ERG: variants seen among roughly 807,000 people sequenced by gnomAD.
ERG encodes transcriptional regulator ERG.
A neutral mutation model predicts 55.3 loss-of-function variants in ERG; 9 were observed. The ratio of observed to expected loss-of-function variants is 0.16; its 90% CI spans 0.10 to 0.28. The LOEUF (loss-of-function observed/expected upper bound fraction) is 0.28, where lower values mean the gene tolerates loss of function less well. Among genes scored for constraint, ERG ranks in the 10% least tolerant of loss-of-function variants. ERG has a pLI of 1.00. For missense variants in ERG, 434 were observed against 631.6 expected (o/e 0.69, Z 3.35); for synonymous variants, 223 against 237.3 (o/e 0.94, Z 0.55).
chr21:38,449,406 A>G (rs1402135160), intron 1 of ERG, among the ~76,000 whole-genome samples: 2 of 152,214 alleles, frequency 1.3e-5, no homozygotes, highest in South Asian at 4.1e-4. Context: ...GTACTGTAGT[A>G]TTGATTATTT....
At chr21:38,376,066 C>T (rs1484119608), downstream of ERG, among the ~76,000 whole-genome samples, 2 of 152,210 alleles carry the variant, frequency 1.3e-5, no homozygotes, top group Non-Finnish European at 2.9e-5. Flanking sequence ...TGAATGAAAG[C>T]TATAGACCCT....
At chr21:38,626,202 G>A (rs1011353168) in intron 1 of ERG, among the ~76,000 whole-genome samples, 3 of 152,212 alleles carry the variant, frequency 2.0e-5, no homozygotes, top group African/African-American at 4.8e-5. Context: ...GATTACAGGC[G>A]TGAGCCACGT....
Position 38,383,559 on chromosome 21 carries a change from C to A in ERG, c.1284G>T (p.Met428Ile), listed in dbSNP as rs2146411343. 6.3e-7 allele frequency: 1 copy of A among 1,596,318 alleles called. No homozygotes were observed. The highest frequency in any genetic ancestry group is 8.6e-7 in the Non-Finnish European group (1 of 1,167,860). ...CTGGAGGGTGGGGCGCCACAAAGTT[C>A]ATCTTCTGTGGGTGGGCGTGATAGG... is the stretch of plus-strand genomic sequence containing the variant. Reference protein sequence around the residue: ...MGSYHAHPQKMNFVAPHPPAL... With the variant: ...MGSYHAHPQKINFVAPHPPAL... Residue 428 changes from methionine to isoleucine, a missense_variant, in exon 10 of 10, where the codon ATG becomes ATT. Transcript: ENST00000288319. This position sits in a 1 kb window ranked among gnomAD's most constrained non-coding sequence, Gnocchi z 5.7.
Position 38,444,515 on chromosome 21 carries a change from C to A in ERG, c.236+889G>T, listed in dbSNP as rs554933989. On this transcript the variant is annotated intron_variant, in intron 2 of 9. Coordinates refer to ENST00000288319, the MANE Select transcript of ERG (RefSeq NM_182918.4). The stretch of plus-strand genomic sequence containing the variant: ...GTTCTTTATCCTAAGATTTGATATT[C>A]TTTTTCCTGAATATATATGGGGTAT... Among the ~76,000 whole-genome samples the A allele has an allele frequency of 5.3e-4, 80 of 152,208 alleles. 1 individual carries two copies. The South Asian group carries it at 0.015, about 28-fold the overall frequency.
intron 1 of ERG, among the ~76,000 whole-genome samples, chr21:38,497,705 G>A (rs116707099): frequency 0.016 from 2,420 of 152,194 alleles, 76 homozygotes; most frequent in African/African-American, 0.055. Flanking sequence ...TCCAATCTCC[G>A]CAAACCTAAC....
intron 1 of ERG, among the ~76,000 whole-genome samples, chr21:38,627,601 G>C (rs2060332474): frequency 6.6e-6 from 1 of 152,244 alleles, no homozygotes; most frequent in East Asian, 1.9e-4. Flanking sequence ...TGATATTATA[G>C]AAGATGAACA....
upstream of ERG, among the ~76,000 whole-genome samples, chr21:38,585,667 G>A (rs193094882): frequency 2.5e-3 from 375 of 149,924 alleles, 1 homozygote; most frequent in African/African-American, 8.3e-3. Context: ...ATCTGTTTCC[G>A]TTGAAAATAT....
At chr21:38,434,129 G>GC (rs1168538481) in intron 2 of ERG, among the ~76,000 whole-genome samples, 1 of 152,158 alleles carries the variant, frequency 6.6e-6, no homozygotes, top group Admixed American at 6.5e-5. Flanking sequence ...TGGCTCTGGA[G>GC]CCCCTCAATT....
chr21:38,582,124 C>G (rs775965245), intron 1 of ERG, among the ~76,000 whole-genome samples: 1 of 151,192 alleles, frequency 6.6e-6, no homozygotes, highest in Non-Finnish European at 1.5e-5. Context: ...ACCTCTTCAT[C>G]TGGTTGTTCA....
At chr21:38,512,941 G>A (rs1380962396) in intron 2 of ERG, among the ~76,000 whole-genome samples, 1 of 152,008 alleles carries the variant, frequency 6.6e-6, no homozygotes, top group African/African-American at 2.4e-5. Context: ...GACCACCCTG[G>A]GCAACATGGT....
chr21:38,496,657 G>A (rs1212788675), intron 1 of ERG, among the ~76,000 whole-genome samples: 1 of 152,148 alleles, frequency 6.6e-6, no homozygotes. Flanking sequence ...TAGTACCTTA[G>A]ACAAGTGTAA....
intron 2 of ERG, among the ~76,000 whole-genome samples, chr21:38,570,723 TGAGCCAGA>T (rs2146854254): frequency 6.6e-6 from 1 of 152,316 alleles, no homozygotes; most frequent in African/African-American, 2.4e-5. Context: ...GGATTTGAAT[TGAGCCAGA>T]ATGTGTTCTT....
At position 38,641,142 on chromosome 21, in the gene ERG, C is replaced by A. The variant is rs147269735; in HGVS notation, c.-150+20516G>T. ...GCATGTACCACCAGTTTGCTTCCTC[C>A]CAAAATTCACATGTTGAAATCCTAA... On this transcript the variant is annotated intron_variant, in intron 1 of 10. Coordinates refer to the ERG transcript ENST00000398910. 6.4e-3 allele frequency among the ~76,000 whole-genome samples: 979 copies of A among 152,264 alleles called. 15 individuals are homozygous for A. Among genetic ancestry groups the A allele is most frequent in the African/African-American group, 0.022 (911 of 41,554 alleles).
the ERG span, among the ~76,000 whole-genome samples, chr21:38,375,024 C>G: frequency 6.6e-6 from 1 of 152,148 alleles, no homozygotes; most frequent in South Asian, 2.1e-4. Context: ...CCTGCTCAGC[C>G]CACTATATGA....
At chr21:38,616,023 C>G (rs867524550) in intron 1 of ERG, among the ~76,000 whole-genome samples, 1 of 152,094 alleles carries the variant, frequency 6.6e-6, no homozygotes, top group Non-Finnish European at 1.5e-5. Flanking sequence ...GTAAACCCCA[C>G]GTGTCAAGAA....
chr21:38,507,519 G>A (rs948421932), intron 2 of ERG, among the ~76,000 whole-genome samples: 1 of 135,868 alleles, frequency 7.4e-6, no homozygotes, highest in Non-Finnish European at 1.6e-5. Flanking sequence ...CCCTCAACAA[G>A]CACTTACTGA....
intron 2 of ERG, among the ~76,000 whole-genome samples, chr21:38,443,904 C>T (rs191214564): frequency 1.8e-4 from 27 of 152,320 alleles, no homozygotes; most frequent in African/African-American, 4.8e-5. Flanking sequence ...GGGCCTGCCT[C>T]GAGTTCCACT....
At chr21:38,440,927 C>T (rs1047490891) in intron 2 of ERG, among the ~76,000 whole-genome samples, 1 of 152,068 alleles carries the variant, frequency 6.6e-6, no homozygotes, top group Non-Finnish European at 1.5e-5. Context: ...GATAACTGTT[C>T]AGCTTTCTTT....
chr21:38,605,638 G>C (rs11701228), intron 1 of ERG, among the ~76,000 whole-genome samples: 1 of 152,016 alleles, frequency 6.6e-6, no homozygotes, highest in African/African-American at 2.4e-5. Context: ...AAGCACTGCG[G>C]GTGGGGTTCC....
Sources: allele counts gnomAD v4.1 joint callset (sites outside exome capture counted in the v4.1 genomes callset), GRCh38; gene constraint gnomAD v4.1.1; non-coding constraint Gnocchi (gnomAD v3.1); transcripts MANE v1.5; gene names NCBI Gene and HGNC (gene_info 2026-07-23, HGNC 2026-07-21).